The following RPL21 variants were observed in gnomAD, a reference collection of about 807,000 sequenced individuals.
RPL21 encodes ribosomal protein L21.
In RPL21, 1 loss-of-function variant was observed where a neutral mutation model predicts 21.2. That is an observed-to-expected ratio of 0.05 (90% CI 0.02 to 0.22). RPL21 has a LOEUF of 0.22. RPL21 is among the 10% of genes least tolerant of loss of function. RPL21 has a pLI of 1.00. For missense variants in RPL21, 113 were observed against 199.4 expected, an observed-to-expected ratio of 0.57 and a Z score of 2.61; for synonymous variants, 52 against 62.9, an observed-to-expected ratio of 0.83 and a Z score of 0.82.
chr13:27,254,329 GA>G (rs780353284), intron 3 of RPL21, 48 bp downstream of exon 3: 3 of 1,104,684 alleles, frequency 2.7e-6, no homozygotes, highest in Non-Finnish European at 4.2e-6. Flanking sequence ...AGAAAAGTTG[GA>G]TTTAATCTAG....
chr13:27,252,418 C>A (rs1287150618), intron 1 of RPL21, among the ~76,000 whole-genome samples: 21 of 152,108 alleles, frequency 1.4e-4, no homozygotes, highest in Admixed American at 1.4e-3. Context: ...ATCCTAGTTG[C>A]CATGATTTTA....
intron 1 of RPL21, among the ~76,000 whole-genome samples, chr13:27,253,040 G>A (rs1247090592): frequency 6.6e-6 from 1 of 152,182 alleles, no homozygotes; most frequent in East Asian, 1.9e-4. Context: ...TGATAAATTA[G>A]CTGCCGGTTA....
intron 4 of RPL21, among the ~76,000 whole-genome samples, 173 bp from the exon 5 acceptor site, chr13:27,256,011 C>T (rs1453021213): frequency 6.6e-6 from 1 of 152,186 alleles, no homozygotes; most frequent in Non-Finnish European, 1.5e-5. Context: ...TGCAAGGCCT[C>T]TTCTGATATG....
intron 2 of RPL21, 96 bp from the exon 3 acceptor site, chr13:27,254,124 C>T: frequency 2.4e-6 from 2 of 833,598 alleles, no homozygotes; most frequent in Non-Finnish European, 4.2e-6. Flanking sequence ...ATGTAACCAT[C>T]AAAAATGATA....
chr13:27,253,793 G>C lies in RPL21; in HGVS notation c.17G>C (p.Gly6Ala). Residue 6 changes from glycine to alanine, a missense_variant, in exon 2 of 6, where the codon GGA becomes GCA. Coordinates refer to ENST00000311549, the MANE Select transcript of RPL21 (RefSeq NM_000982.4). ...TTCGCCAAAATGACGAACACAAAGGGAAAGAGGAGAGGCACCCGATATATG... is the reference window on the plus strand; with the variant it reads ...TTCGCCAAAATGACGAACACAAAGGCAAAGAGGAGAGGCACCCGATATATG... MTNTK[G>A]KRRGTRYMFS... 6.2e-7 allele frequency: 1 copy of C among 1,607,382 alleles called. No homozygotes were observed. Among genetic ancestry groups the C allele is most frequent in the Non-Finnish European group, 8.5e-7 (1 of 1,174,074 alleles).
rs749600972 is a variant in RPL21, at chr13:27,255,347, C to G, written c.235C>G (p.Gln79Glu). ...TGCTGTTGGCATTGTTGTAAACAAACAAGTTAAGTAAGTAGTGTTGTAGTT... is the reference window on the plus strand; with the variant it reads ...TGCTGTTGGCATTGTTGTAAACAAAGAAGTTAAGTAAGTAGTGTTGTAGTT... ...QHAVGIVVNK[Q>E]VKGKILAKRI... is the part of the protein sequence containing the mutation. Residue 79 changes from glutamine (Q) to glutamate (E), a missense_variant, in exon 4 of 6, where the codon CAA becomes GAA. Gln to Glu is a conservative substitution (Grantham distance 29). Transcript: ENST00000311549. 6.3e-6 allele frequency: 8 copies of G among 1,279,206 alleles called. 1 individual carries two copies. In the South Asian group the frequency reaches 9.5e-5, roughly 15 times the overall value. 79.2% of individuals were successfully genotyped at this position (1,279,206 alleles called of 1,614,324 possible).
At chr13:27,253,993 C>T (rs1881769862) in intron 2 of RPL21, 150 bp downstream of exon 2, 2 of 703,152 alleles carry the variant, frequency 2.8e-6, no homozygotes, top group East Asian at 2.7e-5. Flanking sequence ...AATAAATTAC[C>T]AAAATTATAT....
intron 3 of RPL21, chr13:27,254,555 T>C: frequency 2.4e-6 from 1 of 418,358 alleles, no homozygotes; most frequent in Non-Finnish European, 4.3e-6. Flanking sequence ...CCATGATACC[T>C]GGCTAATTTT....
intron 1 of RPL21, among the ~76,000 whole-genome samples, chr13:27,252,594 A>G (rs967508141): frequency 6.6e-6 from 1 of 151,854 alleles, no homozygotes; most frequent in Non-Finnish European, 1.5e-5. Flanking sequence ...TGGTGATTCC[A>G]CAAAGTGACT....
intron 4 of RPL21, 195 bp downstream of exon 4, chr13:27,255,549 C>G (rs977967376): frequency 1.3e-6 from 1 of 746,808 alleles, no homozygotes. Flanking sequence ...ACTGGAAAGT[C>G]TTACACAGTT....
chr13:27,254,190 A>T, intron 2 of RPL21, 30 bp from the exon 3 acceptor site: 1 of 1,392,502 alleles, frequency 7.2e-7, no homozygotes, highest in Non-Finnish European at 1.0e-6. Context: ...TTTAGCCTTA[A>T]TACTCACTAT....
chr13:27,254,588 T>G (rs111616110), intron 3 of RPL21: 13,452 of 353,882 alleles, frequency 0.038, 336 homozygotes, highest in Non-Finnish European at 0.055. Context: ...GAGAAGTGGT[T>G]TCTCCATGTT....
intron 4 of RPL21, 134 bp downstream of exon 4, chr13:27,255,488 A>T: frequency 1.3e-6 from 1 of 766,160 alleles, no homozygotes; most frequent in South Asian, 1.4e-5. Context: ...AACTCAGGCA[A>T]ACTGGGTGTT....
At chr13:27,255,005 C>A in intron 3 of RPL21, 1 of 691,148 alleles carries the variant, frequency 1.4e-6, no homozygotes, top group Non-Finnish European at 2.6e-6. Flanking sequence ...TGATTAAAAA[C>A]CCTCCTAGTG....
chr13:27,254,297 G>A lies in RPL21; in HGVS notation c.129+16G>A, dbSNP rs985870690. On this transcript the variant is annotated intron_variant, in intron 3 of 5. Coordinates refer to ENST00000311549, the MANE Select transcript of RPL21 (RefSeq NM_000982.4). ...AGACATCAAGGTAAACATAAAATTG[G>A]GAAAATAACACTACAGAAGATAGAA... 4 of 1,467,158 alleles carry A rather than the reference G, an allele frequency of 2.7e-6. No individual in the cohort carries two copies. Among genetic ancestry groups the A allele is most frequent in the East Asian group, 2.3e-5 (1 of 44,060 alleles). 90.9% of individuals were successfully genotyped at this position (1,467,158 alleles called of 1,614,324 possible). A position where few individuals can be genotyped will look rare whatever the true frequency, so the allele number is the denominator to read the frequency against.
chr13:27,252,833 T>TA (rs1881713870), intron 1 of RPL21, among the ~76,000 whole-genome samples: 1 of 152,220 alleles, frequency 6.6e-6, no homozygotes, highest in Admixed American at 6.5e-5. Flanking sequence ...TTGGTAAACT[T>TA]AGAAACCAAA....
chr13:27,251,987 G>A (rs1881672487), intron 1 of RPL21: 1 of 152,364 alleles, frequency 6.6e-6, no homozygotes. Context: ...TCCTTTCAGT[G>A]TGGCTTTTTT....
chr13:27,255,487 A>C, intron 4 of RPL21, 133 bp downstream of exon 4: 1 of 766,328 alleles, frequency 1.3e-6, no homozygotes, highest in South Asian at 1.4e-5. Context: ...AAACTCAGGC[A>C]AACTGGGTGT....
At chr13:27,252,999 T>G (rs1355380994) in intron 1 of RPL21, among the ~76,000 whole-genome samples, 1 of 152,242 alleles carries the variant, frequency 6.6e-6, no homozygotes, top group African/African-American at 2.4e-5. Context: ...AAGGTTAATT[T>G]CTAAATGCCT....
Sources: gnomAD v4.1 joint callset for allele counts (sites outside exome capture counted in the v4.1 genomes callset) on GRCh38, gnomAD v4.1.1 for gene constraint, MANE v1.5 for transcripts, NCBI Gene and HGNC (gene_info 2026-07-23, HGNC 2026-07-21) for gene names.